RTN3: variants seen among roughly 807,000 people sequenced by gnomAD.
RTN3 encodes the protein reticulon 3.
A neutral mutation model predicts 77.8 loss-of-function variants in RTN3; 49 were observed. The ratio of observed to expected loss-of-function variants is 0.63; its 90% CI spans 0.50 to 0.80. The LOEUF (loss-of-function observed/expected upper bound fraction) is 0.80, where lower values mean the gene tolerates loss of function less well. Ranked by LOEUF, RTN3 falls within the 30% of genes least tolerant of loss-of-function variation. The pLI is 0.00. For synonymous variants in RTN3, 464 were observed against 446.9 expected, an observed-to-expected ratio of 1.04 and a Z score of -0.48; for missense variants, 1,236 against 1,211.9, an observed-to-expected ratio of 1.02 and a Z score of -0.29.
At chr11:63,750,640 C>T (rs536994504) in intron 4 of RTN3, among the ~76,000 whole-genome samples, 21 of 151,472 alleles carry the variant, frequency 1.4e-4, no homozygotes, top group Admixed American at 2.6e-4. Context: ...TTACTAGATA[C>T]GGGGTTTCTC....
intron 3 of RTN3, among the ~76,000 whole-genome samples, chr11:63,745,782 G>A (rs560167330): frequency 6.6e-6 from 1 of 152,152 alleles, no homozygotes; most frequent in African/African-American, 2.4e-5. Context: ...GCAGTAACAC[G>A]CATGAAGACA....
chr11:63,713,004 A>G (rs2011208141), intron 2 of RTN3, among the ~76,000 whole-genome samples: 1 of 152,098 alleles, frequency 6.6e-6, no homozygotes, highest in Admixed American at 6.5e-5. Flanking sequence ...CTGAGGCAGG[A>G]GAATCGCTTG....
chr11:63,719,117 C>T lies in RTN3; in HGVS notation c.615C>T (p.Phe205=), dbSNP rs1282059346. 1.9e-6 allele frequency: 3 copies of T among 1,614,026 alleles called. No homozygotes were observed. Among genetic ancestry groups the T allele is most frequent in the Admixed American group, 1.7e-5 (1 of 59,996 alleles). Reference sequence around the variant, plus strand: ...CTGCATTGGATGCTGATGACAGATTCACTTTGCTGACAGCCCAGAAACCAC... The same window carrying T: ...CTGCATTGGATGCTGATGACAGATTTACTTTGCTGACAGCCCAGAAACCAC... The part of the protein sequence containing the change: ...AKTALDADDR[F]TLLTAQKPPT... Residue 205 remains phenylalanine, a synonymous_variant, in exon 3 of 9, where the codon TTC becomes TTT. Coordinates refer to ENST00000377819, the MANE Select transcript of RTN3 (RefSeq NM_001265589.2).
chr11:63,711,817 G>T lies in RTN3; in HGVS notation c.200-6885G>T, dbSNP rs528390580. The stretch of plus-strand genomic sequence containing the variant: ...AACCTCAGGTGATCCACCTGCCTCA[G>T]CATCCCAAAGTGCTGGGATTACAGG... On this transcript the variant is annotated intron_variant, in intron 2 of 8. Coordinates refer to ENST00000377819, the MANE Select transcript of RTN3 (RefSeq NM_001265589.2). Among the ~76,000 whole-genome samples, 119 of 152,278 alleles carry T rather than the reference G, an allele frequency of 7.8e-4. 1 individual carries two copies. Among genetic ancestry groups the T allele is most frequent in the Non-Finnish European group, 1.3e-3 (87 of 68,014 alleles).
At chr11:63,704,675 A>G (rs1942410982) in intron 1 of RTN3, among the ~76,000 whole-genome samples, 176 bp from the exon 2 acceptor site, 1 of 152,178 alleles carries the variant, frequency 6.6e-6, no homozygotes, top group Non-Finnish European at 1.5e-5. Context: ...AAAATAAAAT[A>G]AGGTTTTGCT....
At chr11:63,682,246 A>G (rs1235620445) in intron 1 of RTN3, among the ~76,000 whole-genome samples, 5 of 152,236 alleles carry the variant, frequency 3.3e-5, no homozygotes, top group Admixed American at 3.3e-4. Context: ...ATAATCAAGC[A>G]TTCATGATAG....
chr11:63,752,666 TTGG>T (rs1179496600), intron 5 of RTN3, 21 bp downstream of exon 5: 5 of 1,611,314 alleles, frequency 3.1e-6, no homozygotes, highest in Non-Finnish European at 4.2e-6. Flanking sequence ...TCTGCAGCTC[TTGG>T]TGGTAAAACA....
At chr11:63,754,711 A>C (rs1590895668) in intron 7 of RTN3, among the ~76,000 whole-genome samples, 2 of 150,226 alleles carry the variant, frequency 1.3e-5, no homozygotes, top group East Asian at 2.0e-4. Flanking sequence ...AAAAAAAAAA[A>C]AAAAAAACGC....
Position 63,759,655 on chromosome 11 carries a change from T to G in RTN3, c.*1454T>G, listed in dbSNP as rs1158725258. The stretch of plus-strand genomic sequence containing the variant: ...GACCTTCTGCAGTGGAAGTGCCACA[T>G]CCAGTTCTTTTCTTTTGTTGCTGCT... On this transcript the variant is annotated 3_prime_UTR_variant, in exon 9 of 9. Transcript: ENST00000377819. The G allele has an allele frequency of 6.6e-6, 1 of 152,416 alleles. No individual in the cohort carries two copies. The highest frequency in any genetic ancestry group is 1.5e-5 in the Non-Finnish European group (1 of 68,002). The allele number at this position is 152,416 out of a possible 1,614,324, so 9.4% of individuals were successfully genotyped here.
chr11:63,685,039 C>T (rs965254418), intron 1 of RTN3, among the ~76,000 whole-genome samples: 13 of 152,080 alleles, frequency 8.5e-5, no homozygotes, highest in African/African-American at 2.2e-4. Context: ...GGATTACAGG[C>T]ATGAGCCACT....
chr11:63,750,241 AG>A, intron 4 of RTN3, 43 bp downstream of exon 4: 1 of 1,511,318 alleles, frequency 6.6e-7, no homozygotes, highest in Non-Finnish European at 9.1e-7. Flanking sequence ...TTTTAGTGGA[AG>A]GGTTCACTGA....
Position 63,718,704 on chromosome 11 carries a change from G to T in RTN3, c.202G>T (p.Gly68Ter). The T allele has an allele frequency of 6.4e-7, 1 of 1,565,640 alleles. No homozygotes were observed. Among genetic ancestry groups the T allele is most frequent in the Non-Finnish European group, 8.6e-7 (1 of 1,161,718 alleles). Reference protein sequence around the residue: ...PVSLFSTSQEGLSSLCSDEPS... With the variant: ...PVSLFSTSQE ...TTTCTTTGAAATTCTGATCATAGAG[G>T]GATTGAGCTCTCTTTGCTCTGATGA... is the stretch of plus-strand genomic sequence containing the variant. Residue 68 changes from glycine (G) to a stop codon, truncating the protein, a stop_gained and splice_region_variant, in exon 3 of 9, where the codon GGA becomes TGA. Transcript: ENST00000377819. LOFTEE classifies it high-confidence loss of function.
chr11:63,710,431 T>A (rs1942695982), intron 2 of RTN3, among the ~76,000 whole-genome samples: 1 of 152,182 alleles, frequency 6.6e-6, no homozygotes, highest in African/African-American at 2.4e-5. Flanking sequence ...AGAGAGAAAT[T>A]TCTTCCTCAA....
chr11:63,722,369 TA>T (rs1467869059), intron 3 of RTN3, among the ~76,000 whole-genome samples: 1 of 152,208 alleles, frequency 6.6e-6, no homozygotes, highest in Non-Finnish European at 1.5e-5. Context: ...CTGGAAACTG[TA>T]GGTAGATTTA....
intron 8 of RTN3, among the ~76,000 whole-genome samples, chr11:63,757,948 C>A (rs543435412): frequency 6.6e-6 from 1 of 152,084 alleles, no homozygotes; most frequent in Non-Finnish European, 1.5e-5. Context: ...CCAGGCTGGT[C>A]TTCAACTCCT....
chr11:63,730,817 C>G (rs2012637792), intron 3 of RTN3, among the ~76,000 whole-genome samples: 2 of 151,936 alleles, frequency 1.3e-5, no homozygotes, highest in Admixed American at 1.3e-4. Flanking sequence ...GACCCTGTCT[C>G]CCAAAAAGGC....
chr11:63,720,166 T>G lies in RTN3; in HGVS notation c.1664T>G (p.Phe555Cys). The stretch of plus-strand genomic sequence containing the variant: ...AGAGAAGAAAAAACATCTAAAAACT[T>G]TGAAGAATTGGTCAGTGACTCTGAG... Reference protein sequence around the residue: ...CEREEKTSKNFEELVSDSELH... With the variant: ...CEREEKTSKNCEELVSDSELH... The change falls in exon 3 of 9, where the codon TTT becomes TGT. Residue 555 changes from phenylalanine (F) to cysteine (C), a missense_variant. Around this residue, in one of 3 missense-constraint regions of RTN3, gnomAD observed 1,056 missense variants for 990.4 expected, o/e 1.07. Transcript: ENST00000377819. 5 of 1,613,996 alleles carry G rather than the reference T, an allele frequency of 3.1e-6. No homozygotes were observed. Among genetic ancestry groups the G allele is most frequent in the Non-Finnish European group, 4.2e-6 (5 of 1,179,996 alleles).
intron 1 of RTN3, among the ~76,000 whole-genome samples, chr11:63,694,539 A>G (rs1941834757): frequency 6.6e-6 from 1 of 151,988 alleles, no homozygotes. Context: ...GTGGCATGAT[A>G]TCGGCTCACT....
Position 63,685,495 on chromosome 11 carries a change from C to CAAAAAAAAAAAAAAAAAAAA in RTN3, c.142+3731_142+3732insAAAAAAAAAAAAAAAAAAAA, listed in dbSNP as rs55888863. Among the ~76,000 whole-genome samples, 27 of 115,658 alleles carry CAAAAAAAAAAAAAAAAAAAA rather than the reference C, an allele frequency of 2.3e-4. 1 individual carries two copies. The highest frequency in any genetic ancestry group is 7.4e-4 in the African/African-American group (18 of 24,412). 75.9% of individuals were successfully genotyped at this position (115,658 alleles called of 152,430 possible). A position where few individuals can be genotyped will look rare whatever the true frequency, so the allele number is the denominator to read the frequency against. ...TAGGCGACACAGCAAGACTCCATCT[C>CAAAAAAAAAAAAAAAAAAAA]AAAAAAAAAAAAAAGTTACTGCAAT... On this transcript the variant is annotated intron_variant, in intron 1 of 8. Coordinates refer to ENST00000377819, the MANE Select transcript of RTN3 (RefSeq NM_001265589.2).
Sources: allele counts gnomAD v4.1 joint callset (sites outside exome capture counted in the v4.1 genomes callset), GRCh38; gene constraint gnomAD v4.1.1; regional missense constraint gnomAD v4.1.1; transcripts MANE v1.5; gene names NCBI Gene and HGNC (gene_info 2026-07-23, HGNC 2026-07-21).